GRIP1: variants seen among roughly 807,000 people sequenced by gnomAD.
GRIP1 encodes glutamate receptor-interacting protein 1.
Under a neutral mutation model 129.9 loss-of-function variants are expected in GRIP1, and 45 were observed. The observed-to-expected ratio is 0.35, with a 90% CI of 0.27 to 0.44. The LOEUF is 0.44. Ranked by LOEUF, GRIP1 falls within the 20% of genes least tolerant of loss-of-function variation. GRIP1 has a pLI of 1.00. For synonymous variants in GRIP1, 530 were observed against 520.8 expected, an observed-to-expected ratio of 1.02 and a Z score of -0.24; for missense variants, 1,196 against 1,396.8, an observed-to-expected ratio of 0.86 and a Z score of 2.29.
intron 2 of GRIP1, among the ~76,000 whole-genome samples, chr12:66,561,673 CT>C (rs2062536599): frequency 6.6e-6 from 1 of 152,098 alleles, no homozygotes; most frequent in South Asian, 2.1e-4. Flanking sequence ...TCACTAAATC[CT>C]TGTGTGCCCT....
chr12:66,867,346 A>G (rs887337153), intron 1 of GRIP1, among the ~76,000 whole-genome samples: 6 of 152,088 alleles, frequency 3.9e-5, no homozygotes, highest in African/African-American at 1.4e-4. Context: ...GAAACTGGTG[A>G]CTCTTGACTG....
chr12:67,038,515 T>C (rs1384755278), intron 1 of GRIP1, among the ~76,000 whole-genome samples: 1 of 152,176 alleles, frequency 6.6e-6, no homozygotes, highest in Non-Finnish European at 1.5e-5. Flanking sequence ...ACCATTGAAA[T>C]GTTTGGGTTT....
In GRIP1 at chr12:66,631,369, T is replaced by C. The variant is rs11176339; in HGVS notation, c.56-34442A>G. Among the ~76,000 whole-genome samples the C allele has an allele frequency of 1.3e-4, 20 of 152,358 alleles. No homozygotes were observed. The East Asian group carries it at 3.9e-3, about 29-fold the overall frequency. On this transcript the variant is annotated intron_variant, in intron 1 of 24. Coordinates refer to ENST00000359742, the MANE Select transcript of GRIP1 (RefSeq NM_001366722.1). ...TGATTTTTGTTTCCCACAGAGCATC[T>C]TGTACATTATAGGCACTTGATAAAT...
intron 1 of GRIP1, among the ~76,000 whole-genome samples, chr12:66,597,671 T>C (rs1347255635): frequency 6.6e-6 from 1 of 152,160 alleles, no homozygotes; most frequent in Non-Finnish European, 1.5e-5. Flanking sequence ...AATGTATGTG[T>C]GAGAGTTAGG....
At chr12:66,961,217 C>T (rs751205922) in intron 1 of GRIP1, among the ~76,000 whole-genome samples, 42 of 151,810 alleles carry the variant, frequency 2.8e-4, no homozygotes, top group Non-Finnish European at 2.4e-4. Flanking sequence ...AGAGCAGAGA[C>T]GGAGGAGGAG....
intron 1 of GRIP1, among the ~76,000 whole-genome samples, chr12:66,690,185 G>A (rs1019653511): frequency 5.9e-5 from 9 of 152,074 alleles, no homozygotes; most frequent in African/African-American, 1.9e-4. Flanking sequence ...CTCCTGAAGT[G>A]CTAGGATTAC....
At chr12:66,588,252 G>A (rs1372116584) in intron 2 of GRIP1, among the ~76,000 whole-genome samples, 2 of 152,048 alleles carry the variant, frequency 1.3e-5, no homozygotes, top group African/African-American at 2.4e-5. Flanking sequence ...TGTATGGAAC[G>A]AACTGTAACA....
chr12:66,572,870 T>C (rs925941772), intron 2 of GRIP1, among the ~76,000 whole-genome samples: 2 of 152,102 alleles, frequency 1.3e-5, no homozygotes, highest in African/African-American at 4.8e-5. Flanking sequence ...TGGAGGACGG[T>C]GTTCTCTATG....
intron 7 of GRIP1, among the ~76,000 whole-genome samples, chr12:66,479,455 G>A (rs1452732932): frequency 6.6e-6 from 1 of 152,088 alleles, no homozygotes; most frequent in Admixed American, 6.6e-5. Flanking sequence ...AAAAGCCCAG[G>A]ACTGGACAGA....
In GRIP1 at chr12:66,879,828, G is replaced by A. The variant is rs17103017; in HGVS notation, c.58+189222C>T. On this transcript the variant is annotated intron_variant, in intron 1 of 1. Transcript: ENST00000643019. The stretch of plus-strand genomic sequence containing the variant: ...AAGAGTAGATAAGGCAGAGCTTATG[G>A]GCAATTGAAATACAGTATAACTAGC... Among the ~76,000 whole-genome samples the A allele has an allele frequency of 8.9e-3, 1,357 of 152,148 alleles. 20 individuals carry two copies. The highest frequency in any genetic ancestry group is 0.029 in the African/African-American group (1,201 of 41,512).
At chr12:66,365,227 G>C (rs1239416160) in intron 23 of GRIP1, among the ~76,000 whole-genome samples, 1 of 152,152 alleles carries the variant, frequency 6.6e-6, no homozygotes, top group African/African-American at 2.4e-5. Flanking sequence ...TCTGAGGTTG[G>C]GAGTTCGAGG....
intron 7 of GRIP1, among the ~76,000 whole-genome samples, chr12:66,486,261 C>T (rs1470569586): frequency 1.3e-5 from 2 of 150,322 alleles, no homozygotes; most frequent in Non-Finnish European, 2.9e-5. Context: ...GATAGACTGA[C>T]ATGGTTTATA....
intron 5 of GRIP1, among the ~76,000 whole-genome samples, chr12:66,525,156 G>C (rs530613046): frequency 6.6e-6 from 1 of 152,192 alleles, no homozygotes; most frequent in Non-Finnish European, 1.5e-5. Flanking sequence ...TAGAAAAAGA[G>C]GGAATCCTCC....
At chr12:67,006,126 C>T (rs969507658) in intron 1 of GRIP1, among the ~76,000 whole-genome samples, 9 of 151,998 alleles carry the variant, frequency 5.9e-5, no homozygotes, top group Non-Finnish European at 1.2e-4. Context: ...ACACAGTAAG[C>T]GTAAATAAAT....
At chr12:66,426,635 T>C (rs1168526959) in intron 14 of GRIP1, among the ~76,000 whole-genome samples, 1 of 152,182 alleles carries the variant, frequency 6.6e-6, no homozygotes, top group East Asian at 1.9e-4. Context: ...CAAGTGTCCA[T>C]TTTTCTCTTA....
At chr12:66,430,048 T>C (rs192742718) in intron 14 of GRIP1, among the ~76,000 whole-genome samples, 11 of 152,336 alleles carry the variant, frequency 7.2e-5, no homozygotes, top group Middle Eastern at 6.8e-3. Flanking sequence ...AGCTCATTTC[T>C]TGGAGTACAT....
At chr12:66,662,557 T>C (rs2033573178) in intron 1 of GRIP1, among the ~76,000 whole-genome samples, 1 of 152,192 alleles carries the variant, frequency 6.6e-6, no homozygotes, top group Non-Finnish European at 1.5e-5. Context: ...TTTCTTTAGA[T>C]GATTGGGTGA....
intron 1 of GRIP1, among the ~76,000 whole-genome samples, chr12:66,886,063 G>C (rs1252991305): frequency 2.0e-5 from 3 of 152,164 alleles, no homozygotes; most frequent in Non-Finnish European, 2.9e-5. Flanking sequence ...AGGAGCTCGA[G>C]ACCAGCCTGG....
intron 1 of GRIP1, among the ~76,000 whole-genome samples, chr12:66,751,634 T>C (rs1405363978): frequency 6.6e-6 from 1 of 152,194 alleles, no homozygotes; most frequent in Non-Finnish European, 1.5e-5. Flanking sequence ...TTCTTGATAT[T>C]CATGACTGGC....
Sources: allele counts gnomAD v4.1 joint callset (sites outside exome capture counted in the v4.1 genomes callset), GRCh38; gene constraint gnomAD v4.1.1; transcripts MANE v1.5; gene names NCBI Gene and HGNC (gene_info 2026-07-23, HGNC 2026-07-21).